The following EML4 variants were observed in gnomAD, a reference collection of about 807,000 sequenced individuals.
EML4 encodes EMAP like 4, also known as echinoderm microtubule-associated protein-like 4.
Under a neutral mutation model 129.0 loss-of-function variants are expected in EML4, and 72 were observed. That is an observed-to-expected ratio of 0.56 (90% CI 0.46 to 0.68). EML4 has a LOEUF of 0.68. EML4 is among the 30% of genes least tolerant of loss of function. EML4 has a pLI of 0.00. For synonymous variants in EML4, 532 were observed against 405.0 expected, an observed-to-expected ratio of 1.31 and a Z score of -3.77; for missense variants, 1,363 against 1,190.6, an observed-to-expected ratio of 1.14 and a Z score of -2.13.
In EML4 at chr2:42,169,456, C is replaced by A; in HGVS notation, c.-156C>A. 2.4e-6 allele frequency: 2 copies of A among 819,676 alleles called. No individual in the cohort carries two copies. Among genetic ancestry groups the A allele is most frequent in the Non-Finnish European group, 3.7e-6 (2 of 542,742 alleles). 50.8% of individuals were successfully genotyped at this position (819,676 alleles called of 1,614,324 possible). A position where few individuals can be genotyped will look rare whatever the true frequency, so the allele number is the denominator to read the frequency against. On this transcript the variant is annotated 5_prime_UTR_variant, in exon 1 of 23. Transcript: ENST00000318522. The stretch of plus-strand genomic sequence containing the variant: ...GGTTCGGGCGGCCGCGGCTTACTAC[C>A]CCAGGGCGAACGGACGGACGACGGA...
At chr2:42,247,478 CCTCATGTACT>C (rs1675486692) in intron 2 of EML4, among the ~76,000 whole-genome samples, 1 of 151,984 alleles carries the variant, frequency 6.6e-6, no homozygotes, top group South Asian at 2.1e-4. Context: ...TCCCTCTTGG[CCTCATGTACT>C]CTGGGTCTGT....
At chr2:42,241,218 C>T (rs1389539424) in intron 1 of EML4, among the ~76,000 whole-genome samples, 1 of 151,938 alleles carries the variant, frequency 6.6e-6, no homozygotes, top group South Asian at 2.1e-4. Flanking sequence ...ATGCACTATT[C>T]TACCACAGCT....
intron 2 of EML4, among the ~76,000 whole-genome samples, chr2:42,252,852 G>A (rs1675872918): frequency 6.6e-6 from 1 of 152,102 alleles, no homozygotes; most frequent in African/African-American, 2.4e-5. Flanking sequence ...ATAGAATTAT[G>A]TGTCCTTTCT....
intron 1 of EML4, among the ~76,000 whole-genome samples, chr2:42,215,806 C>T (rs561382927): frequency 8.4e-4 from 128 of 152,308 alleles, no homozygotes; most frequent in African/African-American, 2.9e-3. Context: ...TTCCTTAGAA[C>T]TTTTAAATCT....
chr2:42,259,194 C>T (rs1665548863), intron 3 of EML4, among the ~76,000 whole-genome samples: 1 of 151,356 alleles, frequency 6.6e-6, no homozygotes. Context: ...TTGCAGTGAG[C>T]CAAGATCATA....
chr2:42,178,005 G>A (rs184726334), intron 1 of EML4, among the ~76,000 whole-genome samples: 10 of 152,274 alleles, frequency 6.6e-5, no homozygotes, highest in Non-Finnish European at 1.5e-4. Flanking sequence ...GAGAATAGGT[G>A]GAAAGGTTGA....
intron 2 of EML4, among the ~76,000 whole-genome samples, chr2:42,251,009 T>A (rs952962577): frequency 7.9e-5 from 12 of 152,256 alleles, no homozygotes; most frequent in African/African-American, 2.9e-4. Flanking sequence ...TATGAGAATC[T>A]AATACCGCCA....
At chr2:42,196,084 CAGAG>C (rs1244589613) in intron 1 of EML4, among the ~76,000 whole-genome samples, 18 of 152,200 alleles carry the variant, frequency 1.2e-4, no homozygotes, top group East Asian at 1.9e-4. Flanking sequence ...ATTTTGGAAT[CAGAG>C]AGATTTGAGA....
chr2:42,222,487 G>C (rs1184282841), intron 1 of EML4, among the ~76,000 whole-genome samples: 2 of 152,176 alleles, frequency 1.3e-5, no homozygotes, highest in African/African-American at 4.8e-5. Flanking sequence ...CATTTGTATA[G>C]TTAATATCTG....
intron 19 of EML4, among the ~76,000 whole-genome samples, chr2:42,318,906 A>G (rs563433330): frequency 2.0e-5 from 3 of 151,804 alleles, no homozygotes; most frequent in Admixed American, 6.6e-5. Context: ...AGGTCTCCCT[A>G]TGTTGTCCAG....
intron 1 of EML4, among the ~76,000 whole-genome samples, chr2:42,204,857 A>C (rs2103985410): frequency 6.6e-6 from 1 of 152,352 alleles, no homozygotes; most frequent in East Asian, 1.9e-4. Flanking sequence ...AGGTAGGTAG[A>C]GTTACAAGCT....
chr2:42,236,800 T>A (rs1433996808), intron 1 of EML4, among the ~76,000 whole-genome samples: 1 of 152,154 alleles, frequency 6.6e-6, no homozygotes, highest in Non-Finnish European at 1.5e-5. Flanking sequence ...CTTGTATCCC[T>A]CCATATCTTT....
intron 1 of EML4, among the ~76,000 whole-genome samples, chr2:42,191,846 G>C (rs1175893492): frequency 6.6e-6 from 1 of 151,728 alleles, no homozygotes; most frequent in African/African-American, 2.4e-5. Context: ...GATCACCTGA[G>C]GTCAATAAGA....
At chr2:42,283,335 C>T (rs1008038283) in intron 8 of EML4, among the ~76,000 whole-genome samples, 2 of 151,998 alleles carry the variant, frequency 1.3e-5, no homozygotes, top group African/African-American at 4.8e-5. Context: ...GAGGATTTGT[C>T]CTATGTAGAT....
rs560927978 is a variant in EML4, at chr2:42,308,610, A to G, written c.1967+4059A>G. Among the ~76,000 whole-genome samples, 9 of 152,326 alleles carry G rather than the reference A, an allele frequency of 5.9e-5. No individual in the cohort carries two copies. In the East Asian group the frequency reaches 1.3e-3, roughly 23 times the overall value. On this transcript the variant is annotated intron_variant, in intron 17 of 22. Transcript: ENST00000318522. The stretch of plus-strand genomic sequence containing the variant: ...AGAAATAAAAAATAATTCAAATACT[A>G]TAAAATTCACTGATTTAAGATATAT...
chr2:42,211,971 A>G (rs1672911519), intron 1 of EML4, among the ~76,000 whole-genome samples: 3 of 152,004 alleles, frequency 2.0e-5, no homozygotes, highest in South Asian at 4.1e-4. Flanking sequence ...CAGCCCCCCA[A>G]GTAGCTAGGA....
chr2:42,264,908 G>C (rs1665967278), intron 6 of EML4, 177 bp downstream of exon 6: 2 of 1,549,726 alleles, frequency 1.3e-6, no homozygotes, highest in African/African-American at 2.7e-5. Flanking sequence ...TGTCATTTTT[G>C]TCTCAACCAG....
chr2:42,317,576 G>T, intron 19 of EML4, 52 bp downstream of exon 19: 1 of 1,295,020 alleles, frequency 7.7e-7, no homozygotes. Flanking sequence ...TTTTACTTCC[G>T]TTAAAAACAA....
Position 42,261,125 on chromosome 2 carries a change from A to T in EML4, c.343A>T (p.Thr115Ser), listed in dbSNP as rs760613297. The T allele has an allele frequency of 6.2e-7, 1 of 1,603,884 alleles. No individual in the cohort carries two copies. Residue 115 changes from threonine (T) to serine (S), a missense_variant, in exon 4 of 23, where the codon ACA (threonine) becomes TCA (serine). Physicochemically the swap from Thr to Ser is moderately conservative, Grantham distance 58. Transcript: ENST00000318522. Reference sequence around the variant, plus strand: ...ATGTTATACTTTATTTTACAGTGGTACAGAAAAAAAGAAAGAAAAACCACA... The same window carrying T: ...ATGTTATACTTTATTTTACAGTGGTTCAGAAAAAAAGAAAGAAAAACCACA... ...ETLSSAAKSG[T>S]EKKKEKPQGQ...
Sources: allele counts gnomAD v4.1 joint callset (sites outside exome capture counted in the v4.1 genomes callset), GRCh38; gene constraint gnomAD v4.1.1; transcripts MANE v1.5; gene names NCBI Gene and HGNC (gene_info 2026-07-23, HGNC 2026-07-21).